ARHGAP42: variants seen among roughly 807,000 people sequenced by gnomAD.
The protein encoded by ARHGAP42 is Rho GTPase activating protein 42, also known as rho GTPase-activating protein 42.
Under a neutral mutation model 125.0 loss-of-function variants are expected in ARHGAP42, and 63 were observed. The observed-to-expected ratio is 0.50, with a 90% CI of 0.41 to 0.62. ARHGAP42 has a LOEUF of 0.62. ARHGAP42 is among the 20% of genes least tolerant of loss of function. The pLI is 0.00. For missense variants in ARHGAP42, 766 were observed against 1,024.2 expected (o/e 0.75, Z 3.44); for synonymous variants, 339 against 351.0 (o/e 0.97, Z 0.38).
intron 17 of ARHGAP42, 96 bp from the exon 18 acceptor site, chr11:100,973,079 A>G (rs1413048305): frequency 1.8e-6 from 2 of 1,135,966 alleles, no homozygotes; most frequent in Non-Finnish European, 2.4e-6. Context: ...ATAATGGCAT[A>G]TTTTACATTT....
At chr11:100,854,545 A>G (rs1473451676) in intron 3 of ARHGAP42, among the ~76,000 whole-genome samples, 1 of 152,188 alleles carries the variant, frequency 6.6e-6, no homozygotes, top group African/African-American at 2.4e-5. Context: ...TGTATGAAGT[A>G]AAATGTATTC....
intron 4 of ARHGAP42, among the ~76,000 whole-genome samples, chr11:100,885,670 A>G (rs1866073774): frequency 6.6e-6 from 1 of 152,222 alleles, no homozygotes; most frequent in African/African-American, 2.4e-5. Context: ...TACTATACAT[A>G]TGTTGGCTAA....
chr11:100,735,286 T>C (rs1427692880), intron 1 of ARHGAP42, among the ~76,000 whole-genome samples: 2 of 152,230 alleles, frequency 1.3e-5, no homozygotes, highest in East Asian at 3.8e-4. Flanking sequence ...AAATTCTGCC[T>C]CCTTTCCTAG....
chr11:100,767,715 C>G (rs541823368), intron 1 of ARHGAP42, among the ~76,000 whole-genome samples: 3 of 152,024 alleles, frequency 2.0e-5, no homozygotes, highest in African/African-American at 4.8e-5. Context: ...TTGATCTGCC[C>G]TTGTATCCCC....
At chr11:100,958,855 C>G (rs1265280433) in intron 12 of ARHGAP42, among the ~76,000 whole-genome samples, 1 of 151,976 alleles carries the variant, frequency 6.6e-6, no homozygotes. Context: ...CAATTCAGTT[C>G]CATTGGCTTG....
intron 1 of ARHGAP42, among the ~76,000 whole-genome samples, chr11:100,726,742 G>A (rs1861868866): frequency 6.6e-6 from 1 of 152,242 alleles, no homozygotes. Flanking sequence ...AGCTCCTTGA[G>A]TGGATGACTG....
At chr11:100,900,683 C>A (rs2897779) in intron 4 of ARHGAP42, among the ~76,000 whole-genome samples, 42,259 of 151,826 alleles carry the variant, frequency 0.28, 7,119 homozygotes, top group East Asian at 0.74. Context: ...GATACCCTTT[C>A]TTCCACTTGG....
At chr11:100,830,340 A>G (rs537687893) in intron 3 of ARHGAP42, among the ~76,000 whole-genome samples, 2 of 152,284 alleles carry the variant, frequency 1.3e-5, no homozygotes, top group East Asian at 3.9e-4. Context: ...GCTACTTAAG[A>G]TTCATATTGG....
intron 4 of ARHGAP42, among the ~76,000 whole-genome samples, chr11:100,884,990 A>G (rs900108764): frequency 1.3e-5 from 2 of 152,174 alleles, no homozygotes; most frequent in Non-Finnish European, 2.9e-5. Context: ...GACTAACCTC[A>G]GAACACCTTT....
chr11:100,918,904 AT>A (rs1867157344), intron 5 of ARHGAP42, among the ~76,000 whole-genome samples: 1 of 152,162 alleles, frequency 6.6e-6, no homozygotes, highest in East Asian at 1.9e-4. Flanking sequence ...TGGCAAATAC[AT>A]TTCTGAAGAA....
At chr11:100,987,397 T>G (rs909384918) in intron 22 of ARHGAP42, 116 bp from the exon 23 acceptor site, 1 of 821,532 alleles carries the variant, frequency 1.2e-6, no homozygotes, top group Non-Finnish European at 2.0e-6. Flanking sequence ...ATGCACTTTA[T>G]GTACATTATG....
rs1398792443 is a variant in ARHGAP42 at position 100,959,855 on chromosome 11, C to T, written c.1163-28C>T. ...GGGGAATGTGAGTTCAGCGTAAACACCTAATGCGATTTCTCTCTTATTTTC... is the reference window on the plus strand; with the variant it reads ...GGGGAATGTGAGTTCAGCGTAAACATCTAATGCGATTTCTCTCTTATTTTC... On this transcript the variant is annotated intron_variant, in intron 12 of 23. Transcript: ENST00000298815. 4 of 1,547,312 alleles carry T rather than the reference C, an allele frequency of 2.6e-6. No homozygotes were observed. The South Asian group carries it at 3.6e-5, about 14-fold the overall frequency.
At chr11:100,797,528 C>T (rs894550206) in intron 3 of ARHGAP42, among the ~76,000 whole-genome samples, 3 of 151,752 alleles carry the variant, frequency 2.0e-5, no homozygotes, top group Non-Finnish European at 4.4e-5. Context: ...GAACATGGAG[C>T]CTGGATGAGA....
At chr11:100,773,937 A>G (rs1310891694) in intron 2 of ARHGAP42, among the ~76,000 whole-genome samples, 1 of 152,222 alleles carries the variant, frequency 6.6e-6, no homozygotes, top group Non-Finnish European at 1.5e-5. Flanking sequence ...CAGGAGACTT[A>G]TTTAAACCCT....
rs1320962040 is a variant in ARHGAP42 at position 100,837,421 on chromosome 11, T to C, written c.313-22133T>C. ...TGTTGTCCGTAAGGCTAGTTTAGGTTTTGTCTTTGTCACACAAAAGAATTT... is the reference window on the plus strand; with the variant it reads ...TGTTGTCCGTAAGGCTAGTTTAGGTCTTGTCTTTGTCACACAAAAGAATTT... On this transcript the variant is annotated intron_variant, in intron 3 of 23. Coordinates refer to ENST00000298815, the MANE Select transcript of ARHGAP42 (RefSeq NM_152432.4). Among the ~76,000 whole-genome samples, 4 of 152,220 alleles carry C rather than the reference T, an allele frequency of 2.6e-5. No homozygotes were observed. In the South Asian group the frequency reaches 6.2e-4, roughly 24 times the overall value.
chr11:100,812,016 G>A (rs1034825590), intron 3 of ARHGAP42, among the ~76,000 whole-genome samples: 7 of 152,008 alleles, frequency 4.6e-5, no homozygotes, highest in African/African-American at 1.7e-4. Context: ...GCCCAGGCTG[G>A]TGTTAAACTC....
At chr11:100,719,375 A>G (rs1163450885) in intron 1 of ARHGAP42, among the ~76,000 whole-genome samples, 1 of 152,176 alleles carries the variant, frequency 6.6e-6, no homozygotes, top group African/African-American at 2.4e-5. Context: ...TTTGGCCATG[A>G]TAATTATTTA....
At chr11:100,698,363 C>G (rs974860212) in intron 1 of ARHGAP42, among the ~76,000 whole-genome samples, 10 of 152,124 alleles carry the variant, frequency 6.6e-5, no homozygotes, top group Non-Finnish European at 1.2e-4. Flanking sequence ...CCCAGCTACT[C>G]GGAAGGCTGA....
At chr11:100,901,977 C>T (rs935091417) in intron 4 of ARHGAP42, among the ~76,000 whole-genome samples, 8 of 152,220 alleles carry the variant, frequency 5.3e-5, no homozygotes, top group African/African-American at 1.7e-4. Context: ...AGAAATCACC[C>T]ATCTTCTGCG....
Sources: gnomAD v4.1 joint callset for allele counts (sites outside exome capture counted in the v4.1 genomes callset) on GRCh38, gnomAD v4.1.1 for gene constraint, MANE v1.5 for transcripts, NCBI Gene and HGNC (gene_info 2026-07-23, HGNC 2026-07-21) for gene names.